USP48: variants seen among roughly 807,000 people sequenced by gnomAD.
The protein encoded by USP48 is ubiquitin carboxyl-terminal hydrolase 48.
USP48 carries 43 observed loss-of-function variants against 150.7 expected under a neutral mutation model. That is an observed-to-expected ratio of 0.29 (90% CI 0.22 to 0.37). USP48 has a LOEUF of 0.37. Among genes scored for constraint, USP48 ranks in the 10% least tolerant of loss-of-function variants. The pLI, the probability that USP48 is intolerant of heterozygous loss-of-function variation, is 1.00. For synonymous variants in USP48, 396 were observed against 425.9 expected (o/e 0.93, Z 0.86); for missense variants, 813 against 1,249.6 (o/e 0.65, Z 5.27).
In USP48 at chr1:21,768,012, C is replaced by A. The variant is rs560813381; in HGVS notation, c.135-10229G>T. Among the ~76,000 whole-genome samples, 17 of 152,190 alleles carry A rather than the reference C, an allele frequency of 1.1e-4. No individual in the cohort carries two copies. In the South Asian group the frequency reaches 3.5e-3, roughly 32 times the overall value. On this transcript the variant is annotated intron_variant, in intron 1 of 26. Transcript: ENST00000308271. ...CACAAGGTCAGGAGATCGAGACCATCCTGGCTAACATGGTGAAACCCCGTC... is the reference window on the plus strand; with the variant it reads ...CACAAGGTCAGGAGATCGAGACCATACTGGCTAACATGGTGAAACCCCGTC...
chr1:21,716,811 G>A (rs1159716017), intron 14 of USP48, among the ~76,000 whole-genome samples: 2 of 151,482 alleles, frequency 1.3e-5, no homozygotes, highest in South Asian at 2.1e-4. Flanking sequence ...GGTGGATCAC[G>A]AGATCAGGAG....
At position 21,747,073 on chromosome 1, in the gene USP48, G is replaced by T. The variant is rs1207427770; in HGVS notation, c.985C>A (p.His329Asn). 1 of 1,607,632 alleles carries T rather than the reference G, an allele frequency of 6.2e-7. No individual in the cohort carries two copies. Among genetic ancestry groups the T allele is most frequent in the Non-Finnish European group, 8.5e-7 (1 of 1,177,196 alleles). ...TCCTCAGTAAAAATATTACCTTTAT[G>T]TTCCACATAAGGCTCCATATCCAAA... ...EILDMEPYVE[H>N]KGGSYVYELS... The change falls in exon 8 of 27, where the codon CAT becomes AAT. Residue 329 changes from histidine to asparagine, a missense_variant. Coordinates refer to ENST00000308271, the MANE Select transcript of USP48 (RefSeq NM_032236.8).
intron 12 of USP48, 127 bp downstream of exon 12, chr1:21,723,771 C>G (rs900488): frequency 0.15 from 119,215 of 799,346 alleles, 10,418 homozygotes; most frequent in East Asian, 0.3. Context: ...ATCCTTTGTG[C>G]AAAGTGTAAG....
intron 22 of USP48, among the ~76,000 whole-genome samples, chr1:21,701,235 G>A (rs1458004700): frequency 2.0e-5 from 3 of 151,370 alleles, no homozygotes; most frequent in Admixed American, 6.6e-5. Flanking sequence ...GTGTGGTGGT[G>A]GGCGCCTATA....
chr1:21,727,293 C>T (rs975640970), intron 11 of USP48, among the ~76,000 whole-genome samples: 1 of 151,976 alleles, frequency 6.6e-6, no homozygotes. Context: ...AAGTTTACTG[C>T]AAATGGAAAA....
chr1:21,777,135 A>G (rs139032984), intron 1 of USP48, among the ~76,000 whole-genome samples: 153 of 151,906 alleles, frequency 1.0e-3, no homozygotes, highest in African/African-American at 3.6e-3. Context: ...CAAAACACCA[A>G]AAATTAGCCG....
chr1:21,717,971 G>T (rs72877943), intron 14 of USP48, among the ~76,000 whole-genome samples: 1 of 152,088 alleles, frequency 6.6e-6, no homozygotes, highest in Non-Finnish European at 1.5e-5. Flanking sequence ...CTGATGTGAC[G>T]GATGTATTCT....
At chr1:21,712,116 T>A (rs2097691812) in intron 15 of USP48, among the ~76,000 whole-genome samples, 1 of 152,212 alleles carries the variant, frequency 6.6e-6, no homozygotes, top group Non-Finnish European at 1.5e-5. Context: ...CCCAGCACTT[T>A]GGGAGGCCAA....
intron 8 of USP48, among the ~76,000 whole-genome samples, chr1:21,738,444 C>T (rs1052875523): frequency 6.7e-6 from 1 of 148,858 alleles, no homozygotes; most frequent in Non-Finnish European, 1.5e-5. Context: ...CAACCTCCGC[C>T]CCCCTGGGGT....
chr1:21,751,489 A>T lies in USP48; in HGVS notation c.774+18T>A. ...CTGTTAATGGGCAGGAACAATACAT[A>T]CACCAAAATTTGAATACCTTCAAAA... On this transcript the variant is annotated intron_variant, in intron 6 of 26. Transcript: ENST00000308271. 2 of 1,586,646 alleles carry T rather than the reference A, an allele frequency of 1.3e-6. No individual in the cohort carries two copies. The highest frequency in any genetic ancestry group is 1.7e-6 in the Non-Finnish European group (2 of 1,155,938).
At chr1:21,710,776 CAT>C (rs2097688018) in intron 15 of USP48, among the ~76,000 whole-genome samples, 1 of 150,868 alleles carries the variant, frequency 6.6e-6, no homozygotes, top group Non-Finnish European at 1.5e-5. Flanking sequence ...CCTCATGAAA[CAT>C]CATCAAATCA....
At chr1:21,690,785 T>C (rs56950771) in intron 23 of USP48, among the ~76,000 whole-genome samples, 2 of 152,214 alleles carry the variant, frequency 1.3e-5, no homozygotes, top group East Asian at 3.9e-4. Flanking sequence ...CAGCTTAGCC[T>C]CCCGAAGTGC....
chr1:21,708,918 A>T (rs2097682360), intron 15 of USP48, among the ~76,000 whole-genome samples: 1 of 148,216 alleles, frequency 6.7e-6, no homozygotes, highest in African/African-American at 2.4e-5. Flanking sequence ...AAAAGAAAAG[A>T]AAAGAAAAGA....
chr1:21,681,120 A>G, intron 25 of USP48: 1 of 265,100 alleles, frequency 3.8e-6, no homozygotes, highest in Non-Finnish European at 7.0e-6. Flanking sequence ...CCTGGGAGGA[A>G]GCCATGTAAC....
At chr1:21,746,801 C>A (rs992482927) in intron 8 of USP48, among the ~76,000 whole-genome samples, 1 of 152,084 alleles carries the variant, frequency 6.6e-6, no homozygotes, top group South Asian at 2.1e-4. Flanking sequence ...CAGTAAAATA[C>A]CTTTTTCATT....
At chr1:21,680,153 T>C (rs2097561852) in intron 26 of USP48, among the ~76,000 whole-genome samples, 1 of 152,258 alleles carries the variant, frequency 6.6e-6, no homozygotes, top group Admixed American at 6.5e-5. Context: ...ATAGCTGGTA[T>C]GTGATTCAAA....
At chr1:21,781,689 G>A (rs944784181) in intron 1 of USP48, among the ~76,000 whole-genome samples, 1 of 152,198 alleles carries the variant, frequency 6.6e-6, no homozygotes, top group Non-Finnish European at 1.5e-5. Context: ...AGCCGAGCTC[G>A]TGACACTGCA....
intron 6 of USP48, among the ~76,000 whole-genome samples, chr1:21,751,084 G>A (rs1468978174): frequency 6.6e-6 from 1 of 152,192 alleles, no homozygotes; most frequent in Non-Finnish European, 1.5e-5. Context: ...ACTCAGAACA[G>A]AAAGGAATCA....
intron 24 of USP48, among the ~76,000 whole-genome samples, chr1:21,689,322 A>G (rs2097590071): frequency 6.8e-6 from 1 of 146,434 alleles, no homozygotes; most frequent in Non-Finnish European, 1.5e-5. Context: ...GGAAAAAAAA[A>G]AAAGCGGGGG....
Sources: allele counts gnomAD v4.1 joint callset (sites outside exome capture counted in the v4.1 genomes callset), GRCh38; gene constraint gnomAD v4.1.1; transcripts MANE v1.5; gene names NCBI Gene and HGNC (gene_info 2026-07-23, HGNC 2026-07-21).